CLN8: variants seen among roughly 807,000 people sequenced by gnomAD.
CLN8 encodes CLN8 transmembrane ER and ERGIC protein.
A neutral mutation model predicts 15.7 loss-of-function variants in CLN8; 14 were observed. The observed-to-expected ratio is 0.89, with a 90% CI of 0.59 to 1.39. The LOEUF (loss-of-function observed/expected upper bound fraction) is 1.39. CLN8 is among the 40% of genes most tolerant of loss of function. The pLI is 0.00. For missense variants in CLN8, 415 were observed against 364.0 expected (o/e 1.14, Z -1.14); for synonymous variants, 188 against 151.0 (o/e 1.25, Z -1.80).
At chr8:1,761,537 C>G (rs1209285701), upstream of CLN8, among the ~76,000 whole-genome samples, 1 of 152,236 alleles carries the variant, frequency 6.6e-6, no homozygotes, top group Non-Finnish European at 1.5e-5. Flanking sequence ...GTTGGCCAGG[C>G]TGGTCTTGAA....
intron 2 of CLN8, chr8:1,779,863 G>GAT: frequency 1.3e-6 from 1 of 748,488 alleles, no homozygotes; most frequent in Non-Finnish European, 1.6e-6. Context: ...ATGGGAGCTT[G>GAT]ATATACCTGT....
At chr8:1,757,402 G>C (rs1380160088) in intron 1 of CLN8, among the ~76,000 whole-genome samples, 2 of 152,174 alleles carry the variant, frequency 1.3e-5, no homozygotes, top group Non-Finnish European at 2.9e-5. Context: ...TATCTTTGTT[G>C]CCCTAGAATC....
chr8:1,771,597 G>T lies in CLN8; in HGVS notation c.543G>T (p.Lys181Asn). The change falls in exon 2 of 3, where the codon AAG becomes AAT. Residue 181 changes from lysine to asparagine, a missense_variant and splice_region_variant. By Grantham distance (94) the Lys-to-Asn change is moderately conservative. Coordinates refer to ENST00000331222, the MANE Select transcript of CLN8 (RefSeq NM_018941.4). ...CCTGCGTTTCCTGGATGCTCTTAAA[G>T]GTAAGTGCATGCATCAGCAGAAGAT... is the stretch of plus-strand genomic sequence containing the variant. Reference protein sequence around the residue: ...PFTCVSWMLLKAGWSESLFWK... With the variant: ...PFTCVSWMLLNAGWSESLFWK... 1 of 1,613,280 alleles carries T rather than the reference G, an allele frequency of 6.2e-7. No individual in the cohort carries two copies. Among genetic ancestry groups the T allele is most frequent in the Non-Finnish European group, 8.5e-7 (1 of 1,179,640 alleles).
At chr8:1,763,326 C>T (rs1312767942), upstream of CLN8, 3 of 147,060 alleles carry the variant, frequency 2.0e-5, no homozygotes, top group Non-Finnish European at 4.6e-5. Context: ...CATGGTTCAG[C>T]CCGGCCCCGC....
chr8:1,757,873 C>G (rs1244252037), intron 1 of CLN8, among the ~76,000 whole-genome samples: 1 of 152,074 alleles, frequency 6.6e-6, no homozygotes, highest in Non-Finnish European at 1.5e-5. Flanking sequence ...ACAGGAAGAA[C>G]CCTGCCAAAT....
chr8:1,761,402 G>A (rs1800793334), upstream of CLN8, among the ~76,000 whole-genome samples: 1 of 152,212 alleles, frequency 6.6e-6, no homozygotes, highest in Non-Finnish European at 1.5e-5. Context: ...TCAGCACACT[G>A]CAACCTCCGC....
chr8:1,771,022 C>T lies in CLN8; in HGVS notation c.-33C>T. The T allele has an allele frequency of 6.2e-7, 1 of 1,610,946 alleles. No homozygotes were observed. Among genetic ancestry groups the T allele is most frequent in the Middle Eastern group, 1.7e-4 (1 of 6,046 alleles). On this transcript the variant is annotated 5_prime_UTR_variant, in exon 2 of 3. Transcript: ENST00000331222. ...CAGTGTAGGGCCCGGCCCGTGTTGG[C>T]CCCAGGACTCCTTTGGAATATAGCT... is the stretch of plus-strand genomic sequence containing the variant.
At position 1,784,511 on chromosome 8, in the gene CLN8, C is replaced by T. The variant is rs1244163630; in HGVS notation, c.*3944C>T. On this transcript the variant is annotated 3_prime_UTR_variant, in exon 3 of 3. Coordinates refer to ENST00000331222, the MANE Select transcript of CLN8 (RefSeq NM_018941.4). ...CTTAATACCACCGCAATGACAATTA[C>T]AATGTCATGTGAATTCTGGAGGGGA... The T allele has an allele frequency of 1.3e-5, 2 of 152,350 alleles. No homozygotes were observed. Among genetic ancestry groups the T allele is most frequent in the East Asian group, 3.9e-4 (2 of 5,168 alleles). The allele number at this position is 152,350 out of a possible 1,614,324, so 9.4% of individuals were successfully genotyped here.
rs999185479 is a variant in CLN8, at chr8:1,782,239, G to A, written c.*1672G>A. The A allele has an allele frequency of 6.6e-6, 1 of 151,956 alleles. No homozygotes were observed. Among genetic ancestry groups the A allele is most frequent in the African/African-American group, 2.4e-5 (1 of 41,332 alleles). The allele number at this position is 151,956 out of a possible 1,614,324, so 9.4% of individuals were successfully genotyped here. On this transcript the variant is annotated 3_prime_UTR_variant, in exon 3 of 3. Coordinates refer to ENST00000331222, the MANE Select transcript of CLN8 (RefSeq NM_018941.4). ...GGCTCACTGCAACCTCCACCTCCCG[G>A]GTTCCAGGGATTCTCCTGCCTCACC...
Position 1,780,336 on chromosome 8 carries a change from C to T in CLN8, c.630C>T (p.His210=), listed in dbSNP as rs1554451522. The change falls in exon 3 of 3, where the codon CAC becomes CAT. Residue 210 remains histidine, a synonymous_variant. Coordinates refer to ENST00000331222, the MANE Select transcript of CLN8 (RefSeq NM_018941.4). ...ACTGCCGCATGGTTCTAACCTACCACATGTGGTGGGTGTGTTTCTGGCACT... is the reference window on the plus strand; with the variant it reads ...ACTGCCGCATGGTTCTAACCTACCATATGTGGTGGGTGTGTTTCTGGCACT... The part of the protein sequence containing the change: ...MFHCRMVLTY[H]MWWVCFWHWD... 2.8e-5 allele frequency: 46 copies of T among 1,614,256 alleles called. No individual in the cohort carries two copies. Among genetic ancestry groups the T allele is most frequent in the Non-Finnish European group, 3.8e-5 (45 of 1,180,050 alleles).
upstream of CLN8, chr8:1,762,864 C>A (rs1038824760): frequency 6.6e-6 from 1 of 152,208 alleles, no homozygotes. Flanking sequence ...CGCATGCTAT[C>A]GGTTCTTTCA....
chr8:1,767,174 A>G (rs1301389607), intron 1 of CLN8, among the ~76,000 whole-genome samples: 1 of 152,200 alleles, frequency 6.6e-6, no homozygotes, highest in Non-Finnish European at 1.5e-5. Flanking sequence ...AAACTCAGAG[A>G]CCCACAGTAA....
Position 1,771,467 on chromosome 8 carries a change from A to G in CLN8, c.413A>G (p.His138Arg), listed in dbSNP as rs972170426. ...ACATTTGACTTGTTTCTGGTTATCC[A>G]CCATCTCTTTGCCTTTCTTGGGTTT... The part of the protein sequence containing the change: ...FRTFDLFLVI[H>R]HLFAFLGFLG... The change falls in exon 2 of 3, where the codon CAC (histidine) becomes CGC (arginine). Residue 138 changes from histidine (H) to arginine (R), a missense_variant. By Grantham distance (29) the His-to-Arg change is conservative. Coordinates refer to ENST00000331222, the MANE Select transcript of CLN8 (RefSeq NM_018941.4). 2 of 1,614,150 alleles carry G rather than the reference A, an allele frequency of 1.2e-6. No individual in the cohort carries two copies. The highest frequency in any genetic ancestry group is 1.7e-5 in the Admixed American group (1 of 60,022).
chr8:1,756,680 CTTTTTTT>C (rs751314711), intron 1 of CLN8, among the ~76,000 whole-genome samples: 1 of 125,772 alleles, frequency 8.0e-6, no homozygotes, highest in Non-Finnish European at 1.7e-5. Flanking sequence ...TTAAGCATTC[CTTTTTTT>C]TTTTTTTTTT....
chr8:1,758,099 T>C (rs1800713574), intron 1 of CLN8: 2 of 152,178 alleles, frequency 1.3e-5, no homozygotes, highest in Admixed American at 6.5e-5. Context: ...GTGTCCCGCA[T>C]GCAAGCCATC....
upstream of CLN8, among the ~76,000 whole-genome samples, chr8:1,761,623 C>T (rs889197804): frequency 1.3e-5 from 2 of 152,210 alleles, no homozygotes; most frequent in East Asian, 1.9e-4. Context: ...CCGTGCCCAG[C>T]CCTGGAGTTC....
In CLN8 at chr8:1,780,789, C is replaced by A; in HGVS notation, c.*222C>A. The A allele has an allele frequency of 1.7e-6, 1 of 595,132 alleles. No homozygotes were observed. Among genetic ancestry groups the A allele is most frequent in the Non-Finnish European group, 3.0e-6 (1 of 338,394 alleles). 36.9% of individuals were successfully genotyped at this position (595,132 alleles called of 1,614,324 possible). On this transcript the variant is annotated 3_prime_UTR_variant, in exon 3 of 3. Transcript: ENST00000331222. The stretch of plus-strand genomic sequence containing the variant: ...TGTCTGGCAGGCTCTGTCAGTTTAG[C>A]CGCGCCGGACCGTGTCAAGCATCTA...
chr8:1,774,166 G>A (rs527528907), intron 2 of CLN8, among the ~76,000 whole-genome samples: 1 of 152,170 alleles, frequency 6.6e-6, no homozygotes, highest in Non-Finnish European at 1.5e-5. Flanking sequence ...CTGGTGTGGT[G>A]GTGGAGCCCA....
intron 2 of CLN8, among the ~76,000 whole-genome samples, chr8:1,776,902 G>A (rs938943371): frequency 1.3e-5 from 2 of 152,202 alleles, no homozygotes; most frequent in African/African-American, 4.8e-5. Context: ...CGCAGCAGAA[G>A]GGTGGGCAGC....
Sources: gnomAD v4.1 joint callset for allele counts (sites outside exome capture counted in the v4.1 genomes callset) on GRCh38, gnomAD v4.1.1 for gene constraint, MANE v1.5 for transcripts, NCBI Gene and HGNC (gene_info 2026-07-23, HGNC 2026-07-21) for gene names.